ADAMTS12: variants seen among roughly 807,000 people sequenced by gnomAD.
ADAMTS12 encodes the protein ADAM metallopeptidase with thrombospondin type 1 motif 12.
Under a neutral mutation model 167.8 loss-of-function variants are expected in ADAMTS12, and 118 were observed. The observed-to-expected ratio is 0.70, with a 90% CI of 0.61 to 0.82. ADAMTS12 has a LOEUF of 0.82. ADAMTS12 is among the 40% of genes least tolerant of loss of function. The probability of loss-of-function intolerance (pLI) is 0.00; values close to 1 mark genes in which losing one functional copy is unlikely to be tolerated. For missense variants in ADAMTS12, 1,916 were observed against 1,998.8 expected (o/e 0.96, Z 0.79); for synonymous variants, 704 against 716.9 (o/e 0.98, Z 0.29).
At chr5:33,862,764 C>A (rs182057778) in intron 2 of ADAMTS12, among the ~76,000 whole-genome samples, 4 of 152,218 alleles carry the variant, frequency 2.6e-5, no homozygotes, top group African/African-American at 9.6e-5. Context: ...AGGCCAATAT[C>A]CCTGATGAAC....
At chr5:33,539,488 T>C (rs188309699) in intron 22 of ADAMTS12, among the ~76,000 whole-genome samples, 2 of 152,128 alleles carry the variant, frequency 1.3e-5, no homozygotes, top group Admixed American at 6.6e-5. Context: ...GAATCCAAGG[T>C]GCTGGTTGTA....
chr5:33,568,682 T>C (rs1746142673), intron 19 of ADAMTS12, among the ~76,000 whole-genome samples: 1 of 152,328 alleles, frequency 6.6e-6, no homozygotes, highest in East Asian at 1.9e-4. Context: ...AGACGGGTGA[T>C]TTCTGCATTT....
At chr5:33,552,212 C>T (rs998978763) in intron 20 of ADAMTS12, among the ~76,000 whole-genome samples, 1 of 152,280 alleles carries the variant, frequency 6.6e-6, no homozygotes, top group Admixed American at 6.5e-5. Context: ...TTATGAAATC[C>T]TAGTACACTT....
intron 5 of ADAMTS12, among the ~76,000 whole-genome samples, chr5:33,669,790 T>C (rs984817157): frequency 3.4e-5 from 5 of 149,110 alleles, no homozygotes; most frequent in African/African-American, 1.2e-4. Context: ...CAAAAACAAA[T>C]AAACAAAAAG....
Position 33,684,026 on chromosome 5 carries a change from G to A in ADAMTS12, c.664C>T (p.Leu222=). ...TGCCTCTCCCACTTCTCCCGCCATA[G>A]CTCTTGCTTCTGGGAGATGTTAACA... is the stretch of plus-strand genomic sequence containing the variant. ...DSVNISQKQE[L]WREKWERHNL... Residue 222 remains leucine (L), a synonymous_variant, in exon 4 of 24, where the codon CTA becomes TTA. Transcript: ENST00000504830. The A allele has an allele frequency of 1.2e-6, 2 of 1,604,616 alleles. No homozygotes were observed. Among genetic ancestry groups the A allele is most frequent in the South Asian group, 2.2e-5 (2 of 89,148 alleles).
chr5:33,670,845 T>C (rs1177493688), intron 5 of ADAMTS12, among the ~76,000 whole-genome samples: 2 of 152,204 alleles, frequency 1.3e-5, no homozygotes, highest in Admixed American at 1.3e-4. Flanking sequence ...AGGACTTATG[T>C]TCACACAAAA....
chr5:33,668,779 C>T (rs568812696), intron 5 of ADAMTS12, among the ~76,000 whole-genome samples: 61 of 152,202 alleles, frequency 4.0e-4, no homozygotes, highest in Non-Finnish European at 3.7e-4. Flanking sequence ...CCTCCACACC[C>T]GGCCTCTGGA....
Position 33,570,621 on chromosome 5 carries a change from G to A in ADAMTS12, c.3972+5433C>T, listed in dbSNP as rs556974124. ...GCACTAAACATGGAAAGGCACAACC[G>A]GTACCAGCTTCAGCAAAATCATGCC... is the stretch of plus-strand genomic sequence containing the variant. On this transcript the variant is annotated intron_variant, in intron 19 of 23. Coordinates refer to ENST00000504830, the MANE Select transcript of ADAMTS12 (RefSeq NM_030955.4). Among the ~76,000 whole-genome samples, 560 of 152,130 alleles carry A rather than the reference G, an allele frequency of 3.7e-3. 5 individuals are homozygous for A. The highest frequency in any genetic ancestry group is 0.01 in the Middle Eastern group (3 of 294).
intron 11 of ADAMTS12, among the ~76,000 whole-genome samples, chr5:33,639,512 C>T (rs947965164): frequency 2.4e-4 from 37 of 152,150 alleles, no homozygotes; most frequent in African/African-American, 8.7e-4. Context: ...TCTTAAAGGA[C>T]GACTGGAAAG....
At chr5:33,722,579 T>C (rs1743843230) in intron 3 of ADAMTS12, among the ~76,000 whole-genome samples, 1 of 152,214 alleles carries the variant, frequency 6.6e-6, no homozygotes, top group African/African-American at 2.4e-5. Flanking sequence ...CTTCCTAATA[T>C]TTTCTTAGAC....
intron 2 of ADAMTS12, among the ~76,000 whole-genome samples, chr5:33,876,871 T>C (rs1299569225): frequency 6.6e-6 from 1 of 152,216 alleles, no homozygotes; most frequent in Non-Finnish European, 1.5e-5. Context: ...AGAGGGTACA[T>C]ACTAATACCT....
intron 2 of ADAMTS12, among the ~76,000 whole-genome samples, chr5:33,787,267 A>C (rs1746365055): frequency 1.3e-5 from 2 of 152,210 alleles, no homozygotes; most frequent in African/African-American, 4.8e-5. Flanking sequence ...GCTGATGTAA[A>C]GGCTAAAGCT....
intron 16 of ADAMTS12, among the ~76,000 whole-genome samples, chr5:33,608,076 G>A (rs1013473226): frequency 1.3e-5 from 2 of 152,234 alleles, no homozygotes; most frequent in Non-Finnish European, 2.9e-5. Flanking sequence ...GGAGGGTGGA[G>A]CACCCAGAGG....
intron 2 of ADAMTS12, among the ~76,000 whole-genome samples, chr5:33,764,185 A>C (rs1456790245): frequency 6.6e-6 from 1 of 152,202 alleles, no homozygotes; most frequent in Non-Finnish European, 1.5e-5. Flanking sequence ...AGGAGAGACT[A>C]CTTCTCAAGT....
intron 3 of ADAMTS12, among the ~76,000 whole-genome samples, chr5:33,731,715 C>T (rs1056736916): frequency 6.6e-6 from 1 of 152,132 alleles, no homozygotes; most frequent in Admixed American, 6.6e-5. Flanking sequence ...CTCAGGAACA[C>T]GATGCTCTGG....
At chr5:33,618,188 A>G (rs1448665968) in intron 14 of ADAMTS12, among the ~76,000 whole-genome samples, 4 of 152,222 alleles carry the variant, frequency 2.6e-5, no homozygotes, top group Non-Finnish European at 4.4e-5. Context: ...TTCATGATGA[A>G]ATGTATTTAC....
At position 33,838,503 on chromosome 5, in the gene ADAMTS12, T is replaced by C. The variant is rs1041172764; in HGVS notation, c.489+42616A>G. On this transcript the variant is annotated intron_variant, in intron 2 of 23. Coordinates refer to ENST00000504830, the MANE Select transcript of ADAMTS12 (RefSeq NM_030955.4). ...TTCAAGACCAGCCTGGCCAACATAG[T>C]GTAACCCCATCTCTACTAAAAATAC... Among the ~76,000 whole-genome samples the C allele has an allele frequency of 2.0e-5, 3 of 152,084 alleles. No individual in the cohort carries two copies. In the East Asian group the frequency reaches 5.8e-4, roughly 29 times the overall value.
rs78298462 is a variant in ADAMTS12, at chr5:33,854,614, G to C, written c.489+26505C>G. Among the ~76,000 whole-genome samples the C allele has an allele frequency of 3.6e-3, 542 of 152,246 alleles. 6 individuals are homozygous for C. The highest frequency in any genetic ancestry group is 0.013 in the African/African-American group (524 of 41,546). ...AACAATGCTGCTTCTTAAAACATAG[G>C]TTCTTCAATTCTATCCCTCCCATCT... On this transcript the variant is annotated intron_variant, in intron 2 of 23. Coordinates refer to ENST00000504830, the MANE Select transcript of ADAMTS12 (RefSeq NM_030955.4).
At chr5:33,633,024 CA>C (rs1459950605) in intron 12 of ADAMTS12, among the ~76,000 whole-genome samples, 2 of 151,638 alleles carry the variant, frequency 1.3e-5, no homozygotes, top group Non-Finnish European at 2.9e-5. Flanking sequence ...CTCAGTGCAT[CA>C]AGTTGCAGAA....
Sources: gnomAD v4.1 joint callset for allele counts (sites outside exome capture counted in the v4.1 genomes callset) on GRCh38, gnomAD v4.1.1 for gene constraint, MANE v1.5 for transcripts, NCBI Gene and HGNC (gene_info 2026-07-23, HGNC 2026-07-21) for gene names.